TENM4: variants seen among roughly 807,000 people sequenced by gnomAD.
TENM4 encodes the protein teneurin transmembrane protein 4, also known as teneurin-4.
A neutral mutation model predicts 243.3 loss-of-function variants in TENM4; 82 were observed. The ratio of observed to expected loss-of-function variants is 0.34; its 90% confidence interval spans 0.28 to 0.40. TENM4 has a LOEUF of 0.40. Ranked by LOEUF, TENM4 falls within the 10% of genes least tolerant of loss-of-function variation. The probability of loss-of-function intolerance (pLI) is 1.00; values close to 1 mark genes in which losing one functional copy is unlikely to be tolerated. For missense variants in TENM4, 3,138 were observed against 3,673.3 expected (o/e 0.85, Z 3.77); for synonymous variants, 1,412 against 1,456.3 (o/e 0.97, Z 0.69).
intron 4 of TENM4, among the ~76,000 whole-genome samples, chr11:79,121,689 C>A (rs1286087441): frequency 1.3e-5 from 2 of 152,166 alleles, no homozygotes; most frequent in African/African-American, 2.4e-5. Flanking sequence ...TGCAGCCATG[C>A]CAGACTGCAC....
At chr11:78,693,469 T>G (rs1194412779) in intron 28 of TENM4, among the ~76,000 whole-genome samples, 1 of 152,214 alleles carries the variant, frequency 6.6e-6, no homozygotes, top group African/African-American at 2.4e-5. Flanking sequence ...AATCTTTGGG[T>G]TCATCACTGC....
chr11:79,126,949 G>C (rs56055151), intron 4 of TENM4, among the ~76,000 whole-genome samples: 8,401 of 152,244 alleles, frequency 0.055, 336 homozygotes, highest in Non-Finnish European at 0.078. Flanking sequence ...GCTGACTCCA[G>C]GGGACCCAAA....
intron 6 of TENM4, among the ~76,000 whole-genome samples, chr11:78,930,587 C>A (rs756251905): frequency 6.6e-6 from 1 of 152,134 alleles, no homozygotes; most frequent in South Asian, 2.1e-4. Flanking sequence ...AAATACAAAG[C>A]CTCAATGTCA....
At chr11:79,333,708 C>A (rs1235501271) in intron 1 of TENM4, among the ~76,000 whole-genome samples, 3 of 152,330 alleles carry the variant, frequency 2.0e-5, no homozygotes, top group East Asian at 3.9e-4. Context: ...AAAAATGAAA[C>A]TACACCTAAT....
intron 1 of TENM4, among the ~76,000 whole-genome samples, chr11:79,346,031 A>G (rs936799019): frequency 5.3e-5 from 8 of 152,218 alleles, no homozygotes; most frequent in African/African-American, 1.4e-4. Context: ...ACAGAAAAAT[A>G]GACTATCCCT....
At chr11:79,016,530 G>C (rs1858779178) in intron 6 of TENM4, among the ~76,000 whole-genome samples, 1 of 152,176 alleles carries the variant, frequency 6.6e-6, no homozygotes, top group African/African-American at 2.4e-5. Flanking sequence ...TTCAAGCAGA[G>C]ATATCAACAA....
intron 6 of TENM4, among the ~76,000 whole-genome samples, chr11:78,965,489 T>G (rs565970647): frequency 1.3e-5 from 2 of 152,352 alleles, no homozygotes; most frequent in Non-Finnish European, 2.9e-5. Context: ...CATGCTGAGT[T>G]GTTAGAATTT....
chr11:78,847,811 C>T (rs1369353551), intron 12 of TENM4, among the ~76,000 whole-genome samples: 1 of 152,154 alleles, frequency 6.6e-6, no homozygotes, highest in South Asian at 2.1e-4. Context: ...AAAATCACTC[C>T]TCAATCATTT....
Position 78,787,082 on chromosome 11 carries a change from C to G in TENM4, c.2181G>C (p.Glu727Asp), listed in dbSNP as rs1856955343. 1 of 1,542,896 alleles carries G rather than the reference C, an allele frequency of 6.5e-7. No individual in the cohort carries two copies. The highest frequency in any genetic ancestry group is 2.5e-5 in the East Asian group (1 of 40,738). The part of the protein sequence containing the change: ...PSWTGHDCSI[E>D]ICAADCGGHG... Reference sequence around the variant, plus strand: ...GGCCACCACAGTCGGCAGCACAGATCTCTGTGGGGAGGAGCAGAAGAAGGG... The same window carrying G: ...GGCCACCACAGTCGGCAGCACAGATGTCTGTGGGGAGGAGCAGAAGAAGGG... The change falls in exon 16 of 34, where the codon GAG becomes GAC. Residue 727 changes from glutamate to aspartate, a missense_variant and splice_region_variant. By Grantham distance (45) the Glu-to-Asp change is conservative (BLOSUM62 2). Transcript: ENST00000278550.
At chr11:78,914,895 C>A (rs1367262219) in intron 6 of TENM4, among the ~76,000 whole-genome samples, 1 of 152,212 alleles carries the variant, frequency 6.6e-6, no homozygotes, top group Non-Finnish European at 1.5e-5. Context: ...AACATTGGTG[C>A]CCCAGCCTGC....
intron 4 of TENM4, among the ~76,000 whole-genome samples, chr11:79,131,006 C>A (rs1236255475): frequency 6.6e-6 from 1 of 151,948 alleles, no homozygotes; most frequent in Non-Finnish European, 1.5e-5. Context: ...AAAATATGAA[C>A]AAAGTCTCCA....
At chr11:78,918,875 G>A (rs1368844515) in intron 6 of TENM4, among the ~76,000 whole-genome samples, 1 of 152,174 alleles carries the variant, frequency 6.6e-6, no homozygotes, top group Non-Finnish European at 1.5e-5. Context: ...ATGTTCTAGA[G>A]AGGACAAGTG....
At chr11:78,840,790 G>C (rs566376580) in intron 12 of TENM4, among the ~76,000 whole-genome samples, 5 of 152,276 alleles carry the variant, frequency 3.3e-5, no homozygotes, top group Admixed American at 6.5e-5. Context: ...CTTGGGAGGG[G>C]CCCAGGAATG....
intron 17 of TENM4, among the ~76,000 whole-genome samples, chr11:78,777,530 A>C (rs1856760732): frequency 6.6e-6 from 1 of 152,204 alleles, no homozygotes; most frequent in Non-Finnish European, 1.5e-5. Context: ...TATGATGATA[A>C]AGCAGTATAA....
chr11:78,733,351 C>T (rs897927356), intron 20 of TENM4, among the ~76,000 whole-genome samples: 2 of 152,168 alleles, frequency 1.3e-5, no homozygotes, highest in Non-Finnish European at 2.9e-5. Context: ...AACCTGCCCT[C>T]CTAGTCCTAG....
chr11:78,930,694 C>T (rs1376420490), intron 6 of TENM4, among the ~76,000 whole-genome samples: 1 of 152,246 alleles, frequency 6.6e-6, no homozygotes, highest in Non-Finnish European at 1.5e-5. Context: ...AAAGGTCACA[C>T]TGCAGATTAC....
At chr11:79,124,051 A>G (rs929382996) in intron 4 of TENM4, among the ~76,000 whole-genome samples, 3 of 152,206 alleles carry the variant, frequency 2.0e-5, no homozygotes, top group African/African-American at 4.8e-5. Context: ...TCCTACAATA[A>G]TACCTACTAT....
chr11:79,338,578 G>A (rs548811266), intron 1 of TENM4, among the ~76,000 whole-genome samples: 1 of 152,194 alleles, frequency 6.6e-6, no homozygotes, highest in Non-Finnish European at 1.5e-5. Context: ...TACACTAATT[G>A]TAACTTCTTT....
intron 6 of TENM4, among the ~76,000 whole-genome samples, chr11:78,976,680 T>C (rs1041346919): frequency 6.7e-6 from 1 of 149,714 alleles, no homozygotes; most frequent in African/African-American, 2.6e-5. Context: ...GGAAGGCAGC[T>C]GGGGGAGAGT....
Sources: allele counts gnomAD v4.1 joint callset (sites outside exome capture counted in the v4.1 genomes callset), GRCh38; gene constraint gnomAD v4.1.1; transcripts MANE v1.5; gene names NCBI Gene and HGNC (gene_info 2026-07-23, HGNC 2026-07-21).